NAV2: variants seen among roughly 807,000 people sequenced by gnomAD.
NAV2 encodes the protein helicase, APC down-regulated 1.
A neutral mutation model predicts 223.2 loss-of-function variants in NAV2; 54 were observed. The ratio of observed to expected loss-of-function variants is 0.24; its 90% CI spans 0.19 to 0.30. The LOEUF is 0.30. Ranked by LOEUF, NAV2 falls within the 10% of genes least tolerant of loss-of-function variation. The pLI, the probability that NAV2 is intolerant of heterozygous loss-of-function variation, is 1.00. For missense variants in NAV2, 2,806 were observed against 3,147.5 expected, an observed-to-expected ratio of 0.89 and a Z score of 2.60; for synonymous variants, 1,279 against 1,239.3, an observed-to-expected ratio of 1.03 and a Z score of -0.67.
chr11:19,616,419 C>G (rs896471386), intron 1 of NAV2, among the ~76,000 whole-genome samples: 8 of 151,900 alleles, frequency 5.3e-5, no homozygotes, highest in Non-Finnish European at 8.8e-5. Flanking sequence ...GGTATATGCC[C>G]GCCTTTCTCC....
chr11:19,785,977 T>C (rs2057086147), intron 1 of NAV2, among the ~76,000 whole-genome samples: 1 of 152,146 alleles, frequency 6.6e-6, no homozygotes, highest in Admixed American at 6.5e-5. Context: ...ACTGCACACC[T>C]ACCTTACACC....
chr11:19,898,664 TGTATA>T (rs2042198379), intron 6 of NAV2, among the ~76,000 whole-genome samples: 1 of 152,214 alleles, frequency 6.6e-6, no homozygotes, highest in South Asian at 2.1e-4. Flanking sequence ...GTTTTTTACA[TGTATA>T]TAACCATTTC....
intron 3 of NAV2, among the ~76,000 whole-genome samples, chr11:19,865,762 G>T (rs1193475489): frequency 6.6e-6 from 1 of 151,360 alleles, no homozygotes; most frequent in African/African-American, 2.5e-5. Context: ...TCTGGTTTTG[G>T]CTCCCTGTAT....
chr11:20,087,425 T>G (rs961429784), intron 26 of NAV2, among the ~76,000 whole-genome samples: 3 of 152,158 alleles, frequency 2.0e-5, no homozygotes, highest in African/African-American at 7.2e-5. Context: ...GAAGGGTTTG[T>G]AAGAATGTGC....
intron 32 of NAV2, among the ~76,000 whole-genome samples, chr11:20,102,426 G>A (rs1045430275): frequency 3.3e-5 from 5 of 152,060 alleles, no homozygotes; most frequent in African/African-American, 1.2e-4. Context: ...CATGCCCGCT[G>A]CTTACCCGCT....
At chr11:19,449,451 GA>G (rs1851708766) in intron 1 of NAV2, among the ~76,000 whole-genome samples, 1 of 151,830 alleles carries the variant, frequency 6.6e-6, no homozygotes, top group South Asian at 2.1e-4. Context: ...CCCACAGGCA[GA>G]ATGCATTGGT....
intron 1 of NAV2, among the ~76,000 whole-genome samples, chr11:19,683,540 A>T (rs1044293322): frequency 6.6e-6 from 1 of 152,262 alleles, no homozygotes; most frequent in Non-Finnish European, 1.5e-5. Flanking sequence ...GGGCCCATCC[A>T]AGAGGCCTGT....
At chr11:19,689,983 T>G (rs1326406086) in intron 1 of NAV2, among the ~76,000 whole-genome samples, 2 of 152,220 alleles carry the variant, frequency 1.3e-5, no homozygotes, top group Admixed American at 6.5e-5. Flanking sequence ...TACTTTTTAT[T>G]TTTTGAGACA....
chr11:19,361,367 T>C (rs1853928995), intron 1 of NAV2, among the ~76,000 whole-genome samples: 2 of 152,024 alleles, frequency 1.3e-5, no homozygotes, highest in African/African-American at 2.4e-5. Context: ...GCATGTCACC[T>C]CTCGAGTGAC....
intron 1 of NAV2, among the ~76,000 whole-genome samples, chr11:19,817,087 T>G (rs1424882209): frequency 2.0e-5 from 3 of 152,194 alleles, no homozygotes; most frequent in Non-Finnish European, 4.4e-5. Flanking sequence ...TCAGGTTTCT[T>G]GGGTAAGAAA....
In NAV2 at chr11:19,475,865, TATGGTA is replaced by T. The variant is rs1335180002; in HGVS notation, c.75+124840_75+124845del. On this transcript the variant is annotated intron_variant, in intron 1 of 37. Transcript: ENST00000360655. ...CAACAACTTTTGTCGTGCATGTTCA[TATGGTA>T]AGAGCCACGAAGTGGCTGCCCCTTG... Among the ~76,000 whole-genome samples, 6 of 152,388 alleles carry T rather than the reference TATGGTA, an allele frequency of 3.9e-5. No individual in the cohort carries two copies. In the East Asian group the frequency reaches 9.6e-4, roughly 24 times the overall value.
intron 1 of NAV2, among the ~76,000 whole-genome samples, chr11:19,816,900 CT>C (rs536214993): frequency 1.3e-5 from 2 of 151,572 alleles, no homozygotes; most frequent in East Asian, 1.9e-4. Flanking sequence ...CTCCCACCAC[CT>C]TTTTTTTTCC....
intron 11 of NAV2, among the ~76,000 whole-genome samples, chr11:19,993,475 T>C (rs917920596): frequency 1.5e-4 from 23 of 152,234 alleles, no homozygotes; most frequent in African/African-American, 4.8e-4. Flanking sequence ...AGTACAGTTA[T>C]ACCATATGCC....
rs570163869 is a variant in NAV2 at position 19,985,607 on chromosome 11, C to T, written c.2768+1360C>T. 5.3e-5 allele frequency among the ~76,000 whole-genome samples: 8 copies of T among 151,792 alleles called. No homozygotes were observed. In the East Asian group the frequency reaches 7.7e-4, roughly 15 times the overall value. On this transcript the variant is annotated intron_variant, in intron 11 of 37. Transcript: ENST00000349880. ...TTTGTTTGTTTTTGAGACAGAGTCTCACTCTGTCACCCAGGCTGGAGTGCA... is the reference window on the plus strand; with the variant it reads ...TTTGTTTGTTTTTGAGACAGAGTCTTACTCTGTCACCCAGGCTGGAGTGCA...
chr11:19,911,031 A>C (rs898515202), intron 6 of NAV2, among the ~76,000 whole-genome samples: 1 of 123,398 alleles, frequency 8.1e-6, no homozygotes, highest in Non-Finnish European at 1.7e-5. Context: ...TTGCAAGCAC[A>C]TTTTTTTTTT....
intron 1 of NAV2, among the ~76,000 whole-genome samples, chr11:19,695,420 T>C (rs112330642): frequency 2.1e-3 from 312 of 152,120 alleles, no homozygotes; most frequent in African/African-American, 7.1e-3. Context: ...CCTTTTTTTT[T>C]TCTAGATTTT....
Position 19,948,795 on chromosome 11 carries a change from A to T in NAV2, c.2360A>T (p.Gln787Leu). The T allele has an allele frequency of 6.2e-7, 1 of 1,614,072 alleles. No individual in the cohort carries two copies. The highest frequency in any genetic ancestry group is 8.5e-7 in the Non-Finnish European group (1 of 1,180,018). Reference sequence around the variant, plus strand: ...ACACCTCTGTCCTGGAGACTGGGCCAGTCCAGCCCTCGGCTCCAAGCAGGA... The same window carrying T: ...ACACCTCTGTCCTGGAGACTGGGCCTGTCCAGCCCTCGGCTCCAAGCAGGA... ...RPTPLSWRLG[Q>L]SSPRLQAGDA... Residue 787 changes from glutamine (Q) to leucine (L), a missense_variant, in exon 10 of 38, where the codon CAG becomes CTG. Gln to Leu is a moderately radical substitution (Grantham distance 113). Around this residue, in one of 4 missense-constraint regions of NAV2, gnomAD observed 1,167 missense variants for 1,180.5 expected, o/e 0.99. Coordinates refer to ENST00000349880, the MANE Select transcript of NAV2 (RefSeq NM_145117.5).
chr11:19,573,442 C>T (rs1250384326), intron 1 of NAV2, among the ~76,000 whole-genome samples: 4 of 152,194 alleles, frequency 2.6e-5, no homozygotes, highest in Non-Finnish European at 4.4e-5. Flanking sequence ...CAGCCAAGCA[C>T]ATAGTATGGA....
chr11:19,791,366 A>G (rs2057506607), intron 1 of NAV2, among the ~76,000 whole-genome samples: 2 of 152,012 alleles, frequency 1.3e-5, no homozygotes, highest in Non-Finnish European at 1.5e-5. Context: ...TACTGCACCC[A>G]CCAATCTGCT....
Sources: gnomAD v4.1 joint callset for allele counts (sites outside exome capture counted in the v4.1 genomes callset) on GRCh38, gnomAD v4.1.1 for gene constraint, gnomAD v4.1.1 regional missense constraint, MANE v1.5 for transcripts, NCBI Gene and HGNC (gene_info 2026-07-23, HGNC 2026-07-21) for gene names.